The following NBAS variants were observed in gnomAD, a reference collection of about 807,000 sequenced individuals.
NBAS encodes NBAS subunit of NRZ tethering complex.
Under a neutral mutation model 302.5 loss-of-function variants are expected in NBAS, and 219 were observed. The ratio of observed to expected loss-of-function variants is 0.72; its 90% CI spans 0.65 to 0.81. NBAS has a LOEUF of 0.81. Ranked by LOEUF, NBAS falls within the 30% of genes least tolerant of loss-of-function variation. The pLI is 0.00. For missense variants in NBAS, 2,932 were observed against 2,841.6 expected (o/e 1.03, Z -0.72); for synonymous variants, 1,118 against 1,021.6 (o/e 1.09, Z -1.80).
intron 11 of NBAS, among the ~76,000 whole-genome samples, chr2:15,494,304 A>G (rs1008725017): frequency 6.6e-6 from 1 of 152,260 alleles, no homozygotes; most frequent in African/African-American, 2.4e-5. Flanking sequence ...GTTAACTATC[A>G]TAAGTAACAG....
chr2:14,849,599 G>A, the NBAS span, among the ~76,000 whole-genome samples: 10 of 146,922 alleles, frequency 6.8e-5, no homozygotes, highest in East Asian at 1.9e-4. Context: ...GATACTCCTC[G>A]AGAAGAGCAA....
the NBAS span, among the ~76,000 whole-genome samples, chr2:15,075,508 C>G: frequency 6.6e-6 from 1 of 152,242 alleles, no homozygotes; most frequent in East Asian, 1.9e-4. Flanking sequence ...CAACATTCAT[C>G]TCTGCAGAAC....
At chr2:15,560,529 C>A (rs897237058) in intron 1 of NBAS, among the ~76,000 whole-genome samples, 2 of 152,044 alleles carry the variant, frequency 1.3e-5, no homozygotes, top group African/African-American at 4.8e-5. Flanking sequence ...ACGAGAAGCT[C>A]CACGAAAACA....
chr2:15,079,647 A>G, the NBAS span, among the ~76,000 whole-genome samples: 12 of 152,166 alleles, frequency 7.9e-5, no homozygotes, highest in African/African-American at 2.9e-4. Flanking sequence ...AAAGAGCTCT[A>G]GGTTCCATTT....
chr2:15,001,678 G>A, the NBAS span, among the ~76,000 whole-genome samples: 1 of 152,042 alleles, frequency 6.6e-6, no homozygotes, highest in African/African-American at 2.4e-5. Flanking sequence ...ATGAAGCCGC[G>A]GACCCTCGCA....
chr2:15,531,331 T>C (rs1007754425), intron 9 of NBAS, among the ~76,000 whole-genome samples: 2 of 152,040 alleles, frequency 1.3e-5, no homozygotes, highest in African/African-American at 2.4e-5. Flanking sequence ...AGGTGTCAAA[T>C]CCAAACTGGA....
rs531392945 is a variant in NBAS at position 15,560,906 on chromosome 2, G to T, written c.117+282C>A. Among the ~76,000 whole-genome samples the T allele has an allele frequency of 6.6e-5, 10 of 152,228 alleles. No individual in the cohort carries two copies. The South Asian group carries it at 2.1e-3, about 32-fold the overall frequency. On this transcript the variant is annotated intron_variant, in intron 1 of 51. Transcript: ENST00000281513. Reference sequence around the variant, plus strand: ...ATCCCCTCTCCTCCCAATACAGAGAGCGAAACTGAGAACCAAAGTGGGATC... The same window carrying T: ...ATCCCCTCTCCTCCCAATACAGAGATCGAAACTGAGAACCAAAGTGGGATC...
chr2:15,011,016 T>C, the NBAS span, among the ~76,000 whole-genome samples: 3 of 152,242 alleles, frequency 2.0e-5, no homozygotes, highest in Non-Finnish European at 4.4e-5. Context: ...GCCATTGATT[T>C]GTTTTATTGT....
the NBAS span, among the ~76,000 whole-genome samples, chr2:15,039,622 G>A: frequency 0.26 from 38,951 of 152,018 alleles, 5,291 homozygotes; most frequent in African/African-American, 0.34. Context: ...AGGGGTTTCC[G>A]TAAAGCCATG....
the NBAS span, among the ~76,000 whole-genome samples, chr2:15,066,592 C>T: frequency 6.6e-6 from 1 of 152,092 alleles, no homozygotes; most frequent in Non-Finnish European, 1.5e-5. Context: ...GAACCACAAG[C>T]ACGTTTTTAA....
chr2:15,291,768 A>C (rs1441256945), intron 41 of NBAS, among the ~76,000 whole-genome samples: 1 of 152,194 alleles, frequency 6.6e-6, no homozygotes, highest in Non-Finnish European at 1.5e-5. Flanking sequence ...AAGAAATTAA[A>C]GTGCCATGTG....
At chr2:14,898,172 A>G in the NBAS span, among the ~76,000 whole-genome samples, 1 of 152,182 alleles carries the variant, frequency 6.6e-6, no homozygotes, top group African/African-American at 2.4e-5. Context: ...CTGCCTTTTT[A>G]TTGATTTTGT....
intron 42 of NBAS, among the ~76,000 whole-genome samples, chr2:15,284,675 CAATA>C (rs1258159498): frequency 1.3e-5 from 2 of 152,214 alleles, no homozygotes; most frequent in Non-Finnish European, 2.9e-5. Context: ...GGCACTCACT[CAATA>C]AATAAATGTT....
At chr2:15,219,860 G>A (rs1572471660) in intron 47 of NBAS, among the ~76,000 whole-genome samples, 1 of 144,412 alleles carries the variant, frequency 6.9e-6, no homozygotes, top group Non-Finnish European at 1.5e-5. Context: ...AGACGGGGTC[G>A]TGGCCGGGCA....
At chr2:15,550,478 C>G (rs936046343) in intron 6 of NBAS, among the ~76,000 whole-genome samples, 2 of 152,122 alleles carry the variant, frequency 1.3e-5, no homozygotes, top group African/African-American at 4.8e-5. Flanking sequence ...GTTAAACTAA[C>G]ACAAGATCAG....
the NBAS span, among the ~76,000 whole-genome samples, chr2:14,902,280 C>T: frequency 3.1e-3 from 471 of 152,242 alleles, 1 homozygote; most frequent in African/African-American, 0.011. Flanking sequence ...TACAGGCATG[C>T]GCCACCATAC....
At chr2:15,237,348 G>C (rs1558462941) in intron 45 of NBAS, among the ~76,000 whole-genome samples, 1 of 151,858 alleles carries the variant, frequency 6.6e-6, no homozygotes, top group Non-Finnish European at 1.5e-5. Flanking sequence ...CAAACTTCAT[G>C]ATGTTGTTTT....
At chr2:15,071,852 C>T in the NBAS span, among the ~76,000 whole-genome samples, 1 of 152,212 alleles carries the variant, frequency 6.6e-6, no homozygotes, top group Non-Finnish European at 1.5e-5. Flanking sequence ...AACAATGTAT[C>T]TACACAGCGG....
At chr2:14,813,375 C>T in the NBAS span, among the ~76,000 whole-genome samples, 1 of 152,092 alleles carries the variant, frequency 6.6e-6, no homozygotes. Flanking sequence ...ACAATGAATT[C>T]CAGGCTGAGA....
Sources: allele counts gnomAD v4.1 joint callset (sites outside exome capture counted in the v4.1 genomes callset), GRCh38; gene constraint gnomAD v4.1.1; transcripts MANE v1.5; gene names NCBI Gene and HGNC (gene_info 2026-07-23, HGNC 2026-07-21).